Variants in GAD1 observed in about 807,000 individuals in gnomAD.
GAD1 encodes glutamate decarboxylase 1.
Under a neutral mutation model 75.2 loss-of-function variants are expected in GAD1, and 35 were observed. The ratio of observed to expected loss-of-function variants is 0.47; its 90% confidence interval spans 0.36 to 0.62. The LOEUF (loss-of-function observed/expected upper bound fraction) is 0.62. Among genes scored for constraint, GAD1 ranks in the 20% least tolerant of loss-of-function variants. GAD1 has a pLI of 0.00. For synonymous variants in GAD1, 257 were observed against 271.9 expected, an observed-to-expected ratio of 0.95 and a Z score of 0.54; for missense variants, 490 against 758.5, an observed-to-expected ratio of 0.65 and a Z score of 4.16.
intron 12 of GAD1, among the ~76,000 whole-genome samples, chr2:170,850,015 G>A (rs567249610): frequency 1.3e-5 from 2 of 152,330 alleles, no homozygotes; most frequent in East Asian, 3.9e-4. Flanking sequence ...CCATAACAAA[G>A]TCACAATGAT....
chr2:170,816,582 C>CT (rs969347979), upstream of GAD1: 3 of 151,810 alleles, frequency 2.0e-5, no homozygotes, highest in African/African-American at 7.3e-5. Flanking sequence ...TAGGAATTAT[C>CT]TTTTCCCTCC....
intron 3 of GAD1, among the ~76,000 whole-genome samples, chr2:170,823,197 C>CGGGA (rs1322782096): frequency 6.6e-6 from 1 of 152,180 alleles, no homozygotes; most frequent in African/African-American, 2.4e-5. Context: ...TCAGCTCCTG[C>CGGGA]GCGCGGGAGA....
intron 15 of GAD1, 57 bp downstream of exon 15, chr2:170,857,182 G>A (rs1390925068): frequency 2.2e-6 from 3 of 1,341,046 alleles, no homozygotes; most frequent in East Asian, 2.3e-5. Flanking sequence ...GCTGAGGGAA[G>A]CTCCTGAAGC....
chr2:170,835,689 T>C (rs574769940), intron 5 of GAD1, among the ~76,000 whole-genome samples: 5 of 152,366 alleles, frequency 3.3e-5, no homozygotes, highest in Non-Finnish European at 5.9e-5. Flanking sequence ...ATTGCATTTA[T>C]TTACCATTCA....
intron 13 of GAD1, 102 bp downstream of exon 13, chr2:170,852,894 G>A (rs1313133334): frequency 6.2e-6 from 6 of 974,038 alleles, no homozygotes; most frequent in Middle Eastern, 4.6e-4. Context: ...GCTGACTCAC[G>A]AGATTGGCAG....
chr2:170,823,557 A>T (rs1337877333), intron 3 of GAD1, among the ~76,000 whole-genome samples: 2 of 151,962 alleles, frequency 1.3e-5, no homozygotes, highest in Non-Finnish European at 2.9e-5. Flanking sequence ...CCAGCGCAGG[A>T]CGCCCGTGGG....
At chr2:170,832,612 G>C (rs1190717573) in intron 5 of GAD1, among the ~76,000 whole-genome samples, 3 of 151,686 alleles carry the variant, frequency 2.0e-5, no homozygotes, top group Non-Finnish European at 2.9e-5. Context: ...AGGCCAAAAA[G>C]ACACATGCAC....
intron 11 of GAD1, chr2:170,848,647 AT>A (rs35403424): frequency 0.43 from 188,962 of 435,650 alleles, 34,168 homozygotes; most frequent in Non-Finnish European, 0.5. Flanking sequence ...GACTGGGTGT[AT>A]TTTTTTTTTT....
chr2:170,823,196 G>GC (rs1701936579), intron 3 of GAD1, among the ~76,000 whole-genome samples: 1 of 152,130 alleles, frequency 6.6e-6, no homozygotes, highest in South Asian at 2.1e-4. Context: ...GTCAGCTCCT[G>GC]CGCGCGGGAG....
upstream of GAD1, chr2:170,813,435 A>AT (rs541881198): frequency 1.5e-3 from 231 of 150,516 alleles, no homozygotes; most frequent in African/African-American, 3.5e-3. Context: ...GAGCACTGCC[A>AT]TTTTTTTTTT....
At chr2:170,820,563 C>T (rs560852267) in intron 2 of GAD1, among the ~76,000 whole-genome samples, 1 of 152,220 alleles carries the variant, frequency 6.6e-6, no homozygotes, top group African/African-American at 2.4e-5. Context: ...TGGGAGGTGG[C>T]GTTAGTGCAG....
intron 6 of GAD1, among the ~76,000 whole-genome samples, chr2:170,837,631 TA>T (rs1425310015): frequency 6.6e-6 from 1 of 152,236 alleles, no homozygotes; most frequent in Admixed American, 6.5e-5. Flanking sequence ...CTCTCAACAC[TA>T]ATGACAATGT....
chr2:170,823,197 C>CGCG (rs1701936819), intron 3 of GAD1, among the ~76,000 whole-genome samples: 1 of 152,180 alleles, frequency 6.6e-6, no homozygotes, highest in South Asian at 2.1e-4. Flanking sequence ...TCAGCTCCTG[C>CGCG]GCGCGGGAGA....
chr2:170,836,738 C>T lies in GAD1; in HGVS notation c.548-55C>T, dbSNP rs991158519. On this transcript the variant is annotated intron_variant, in intron 5 of 16. Coordinates refer to ENST00000358196, the MANE Select transcript of GAD1 (RefSeq NM_000817.3). ...CCCAGTGGGGCAGGCCGTTTGCCTTCAAGATAGGTTGAGAAATCTGCATTT... is the reference window on the plus strand; with the variant it reads ...CCCAGTGGGGCAGGCCGTTTGCCTTTAAGATAGGTTGAGAAATCTGCATTT... 4 of 1,335,270 alleles carry T rather than the reference C, an allele frequency of 3.0e-6. No homozygotes were observed. The African/African-American group carries it at 4.3e-5, about 14-fold the overall frequency. The allele number at this position is 1,335,270 out of a possible 1,614,324, so 82.7% of individuals were successfully genotyped here.
intron 4 of GAD1, 99 bp from the exon 5 acceptor site, chr2:170,830,851 A>G: frequency 1.4e-6 from 2 of 1,444,638 alleles, no homozygotes; most frequent in Non-Finnish European, 1.9e-6. Flanking sequence ...GAATGAAATC[A>G]GGCCTATACA....
intron 15 of GAD1, among the ~76,000 whole-genome samples, chr2:170,857,856 T>G (rs1031932738): frequency 1.3e-5 from 2 of 152,184 alleles, no homozygotes; most frequent in African/African-American, 2.4e-5. Flanking sequence ...TTCTAGAGTA[T>G]TGAACAAAAC....
Position 170,859,856 on chromosome 2 carries a change from A to T in GAD1, c.1759A>T (p.Ile587Leu), listed in dbSNP as rs770895870. Residue 587 changes from isoleucine (I) to leucine (L), a missense_variant, in exon 17 of 17, where the codon ATA becomes TTA. Physicochemically the swap from Ile to Leu is conservative, Grantham distance 5. Coordinates refer to ENST00000358196, the MANE Select transcript of GAD1 (RefSeq NM_000817.3). The stretch of plus-strand genomic sequence containing the variant: ...TGACATTGACTTCCTCATTGAGGAG[A>T]TAGAAAGACTGGGCCAGGATCTGTA... ...QSDIDFLIEE[I>L]ERLGQDL 17 of 1,614,176 alleles carry T rather than the reference A, an allele frequency of 1.1e-5. No homozygotes were observed. The highest frequency in any genetic ancestry group is 3.3e-5 in the Admixed American group (2 of 60,020).
At chr2:170,822,409 T>C (rs1282817466) in intron 3 of GAD1, among the ~76,000 whole-genome samples, 2 of 152,120 alleles carry the variant, frequency 1.3e-5, no homozygotes, top group African/African-American at 4.8e-5. Flanking sequence ...CCGGGTGCCC[T>C]GCCTGGGCGC....
chr2:170,823,654 C>A (rs1246124714), intron 3 of GAD1, among the ~76,000 whole-genome samples: 1 of 151,610 alleles, frequency 6.6e-6, no homozygotes, highest in East Asian at 2.0e-4. Context: ...CTCCCACCCC[C>A]ACCTCCACCC....
Sources: gnomAD v4.1 joint callset for allele counts (sites outside exome capture counted in the v4.1 genomes callset) on GRCh38, gnomAD v4.1.1 for gene constraint, MANE v1.5 for transcripts, NCBI Gene and HGNC (gene_info 2026-07-23, HGNC 2026-07-21) for gene names.